The following ALOX5 variants were observed in gnomAD, a reference collection of about 807,000 sequenced individuals.
ALOX5 encodes arachidonate 5-lipoxygenase, also known as polyunsaturated fatty acid 5-lipoxygenase.
Under a neutral mutation model 87.9 loss-of-function variants are expected in ALOX5, and 64 were observed. The observed-to-expected ratio is 0.73, with a 90% CI of 0.60 to 0.90. ALOX5 has a LOEUF of 0.90. Among genes scored for constraint, ALOX5 ranks in the 40% least tolerant of loss-of-function variants. ALOX5 has a pLI of 0.00. For missense variants in ALOX5, 822 were observed against 907.5 expected (o/e 0.91, Z 1.21); for synonymous variants, 388 against 355.1 (o/e 1.09, Z -1.04).
At chr10:45,444,690 A>C in intron 13 of ALOX5, 1 of 192,968 alleles carries the variant, frequency 5.2e-6, no homozygotes. Flanking sequence ...TCGTGGATGC[A>C]CCCGCTTTGG....
At chr10:45,377,324 T>C (rs1385171942) in intron 1 of ALOX5, among the ~76,000 whole-genome samples, 5 of 151,188 alleles carry the variant, frequency 3.3e-5, no homozygotes, top group Admixed American at 3.3e-4. Context: ...TGAGCCATCT[T>C]TTCCCTACAT....
At chr10:45,441,539 T>C in intron 9 of ALOX5, 109 bp downstream of exon 9, 1 of 1,131,338 alleles carries the variant, frequency 8.8e-7, no homozygotes, top group Non-Finnish European at 1.3e-6. Context: ...GGGTGAAGGC[T>C]GGAGTCTGCT....
chr10:45,443,368 C>A, intron 10 of ALOX5, 48 bp from the exon 11 acceptor site: 1 of 1,596,560 alleles, frequency 6.3e-7, no homozygotes, highest in Non-Finnish European at 8.5e-7. Context: ...GGGCACCGCT[C>A]CGCAGACCTG....
intron 3 of ALOX5, among the ~76,000 whole-genome samples, chr10:45,402,890 T>C (rs1840752057): frequency 5.9e-5 from 9 of 152,130 alleles, no homozygotes; most frequent in Admixed American, 5.9e-4. Context: ...ATACAAAAGG[T>C]GTTCAACTTC....
intron 2 of ALOX5, among the ~76,000 whole-genome samples, chr10:45,393,818 A>G (rs1840394010): frequency 6.6e-6 from 1 of 151,702 alleles, no homozygotes; most frequent in Non-Finnish European, 1.5e-5. Context: ...ATAACAGACA[A>G]ACAGAGAGCC....
At chr10:45,403,443 G>T (rs1056176342) in intron 3 of ALOX5, among the ~76,000 whole-genome samples, 3 of 152,174 alleles carry the variant, frequency 2.0e-5, no homozygotes, top group Admixed American at 6.5e-5. Context: ...TTATCATAAA[G>T]CCGAGGATGG....
chr10:45,438,293 G>A (rs1393186315), intron 7 of ALOX5, among the ~76,000 whole-genome samples: 1 of 152,138 alleles, frequency 6.6e-6, no homozygotes, highest in Non-Finnish European at 1.5e-5. Flanking sequence ...TCAATATCAT[G>A]TTGCCGGCTG....
chr10:45,401,169 C>T (rs1254312216), intron 3 of ALOX5, among the ~76,000 whole-genome samples: 1 of 152,112 alleles, frequency 6.6e-6, no homozygotes, highest in Non-Finnish European at 1.5e-5. Context: ...TGCTTTGGCC[C>T]CTGGAAACAT....
intron 3 of ALOX5, among the ~76,000 whole-genome samples, chr10:45,404,577 T>C (rs890605740): frequency 6.6e-6 from 1 of 152,244 alleles, no homozygotes; most frequent in African/African-American, 2.4e-5. Flanking sequence ...TCACTAAGTA[T>C]TGAAGAGGAT....
intron 1 of ALOX5, among the ~76,000 whole-genome samples, chr10:45,375,490 G>A (rs906295541): frequency 6.6e-6 from 1 of 152,304 alleles, no homozygotes; most frequent in African/African-American, 2.4e-5. Context: ...GGACCAAAAA[G>A]ATTTAGACTT....
At chr10:45,403,033 A>G (rs563136752) in intron 3 of ALOX5, among the ~76,000 whole-genome samples, 3 of 152,360 alleles carry the variant, frequency 2.0e-5, no homozygotes, top group Non-Finnish European at 4.4e-5. Context: ...GGGAACACTC[A>G]TATACCACCG....
intron 2 of ALOX5, among the ~76,000 whole-genome samples, chr10:45,389,587 C>G (rs1322949513): frequency 6.6e-6 from 1 of 152,164 alleles, no homozygotes; most frequent in East Asian, 1.9e-4. Context: ...CATATCCAGC[C>G]AAACTAAGCT....
In ALOX5 at chr10:45,425,148, C is replaced by G; in HGVS notation, c.834+16C>G. The G allele has an allele frequency of 6.2e-7, 1 of 1,609,050 alleles. No homozygotes were observed. The highest frequency in any genetic ancestry group is 8.5e-7 in the Non-Finnish European group (1 of 1,177,024). On this transcript the variant is annotated intron_variant, in intron 6 of 13. Transcript: ENST00000374391. The surrounding 1 kb of genome is among the most constrained non-coding windows in gnomAD (Gnocchi z 4.4). ...GGAGGTCCAGGTAGGGGTTGATGGG[C>G]TGGGGAAGTGGCCAAGGTCACAGTC...
At chr10:45,411,255 C>A (rs1841053986) in intron 3 of ALOX5, among the ~76,000 whole-genome samples, 1 of 152,164 alleles carries the variant, frequency 6.6e-6, no homozygotes, top group Non-Finnish European at 1.5e-5. Flanking sequence ...GGCTTCTTTA[C>A]CACAACCCAT....
chr10:45,403,690 G>A (rs977450290), intron 3 of ALOX5, among the ~76,000 whole-genome samples: 1 of 152,134 alleles, frequency 6.6e-6, no homozygotes, highest in African/African-American at 2.4e-5. Flanking sequence ...AGAGTAACCT[G>A]CTGTGCTGTG....
At chr10:45,375,590 G>A (rs1330241758) in intron 1 of ALOX5, among the ~76,000 whole-genome samples, 2 of 152,218 alleles carry the variant, frequency 1.3e-5, no homozygotes, top group Non-Finnish European at 2.9e-5. Flanking sequence ...GCAAGTTCAT[G>A]TTTCAACTGA....
At chr10:45,405,830 C>T (rs969014813) in intron 3 of ALOX5, among the ~76,000 whole-genome samples, 1 of 151,840 alleles carries the variant, frequency 6.6e-6, no homozygotes, top group African/African-American at 2.4e-5. Flanking sequence ...TCAAACTAAC[C>T]CAGGCTCAAT....
intron 3 of ALOX5, among the ~76,000 whole-genome samples, chr10:45,408,591 G>A (rs536350219): frequency 6.6e-6 from 1 of 152,210 alleles, no homozygotes; most frequent in South Asian, 2.1e-4. Flanking sequence ...TGTTCTAATG[G>A]GCTTAACATC....
chr10:45,445,677 T>A lies in ALOX5; in HGVS notation c.2015T>A (p.Val672Glu). The change falls in exon 14 of 14, where the codon GTG becomes GAG. Residue 672 changes from valine to glutamate, a missense_variant. By Grantham distance (121) the Val-to-Glu change is moderately radical. Coordinates refer to ENST00000374391, the MANE Select transcript of ALOX5 (RefSeq NM_000698.5). ...TCCCCAGACCGGATTCCGAACAGTGTGGCCATCTGAGCACACTGCCAGTCT... is the reference window on the plus strand; with the variant it reads ...TCCCCAGACCGGATTCCGAACAGTGAGGCCATCTGAGCACACTGCCAGTCT... Reference protein sequence around the residue: ...YLSPDRIPNSVAI With the variant: ...YLSPDRIPNSEAI The A allele has an allele frequency of 6.2e-7, 1 of 1,612,730 alleles. No homozygotes were observed. Among genetic ancestry groups the A allele is most frequent in the Non-Finnish European group, 8.5e-7 (1 of 1,179,072 alleles).
Sources: gnomAD v4.1 joint callset for allele counts (sites outside exome capture counted in the v4.1 genomes callset) on GRCh38, gnomAD v4.1.1 for gene constraint, Gnocchi (gnomAD v3.1) non-coding constraint, MANE v1.5 for transcripts, NCBI Gene and HGNC (gene_info 2026-07-23, HGNC 2026-07-21) for gene names.